Variants in PROS1 observed in about 807,000 individuals in gnomAD.
PROS1 encodes the protein protein S.
PROS1 carries 29 observed loss-of-function variants against 75.9 expected under a neutral mutation model. That is an observed-to-expected ratio of 0.38 (90% CI 0.28 to 0.52). The LOEUF (loss-of-function observed/expected upper bound fraction) is 0.52. Among genes scored for constraint, PROS1 ranks in the 20% least tolerant of loss-of-function variants. The probability of loss-of-function intolerance (pLI) is 0.83; values close to 1 mark genes in which losing one functional copy is unlikely to be tolerated. For synonymous variants in PROS1, 245 were observed against 280.6 expected (o/e 0.87, Z 1.27); for missense variants, 680 against 810.3 (o/e 0.84, Z 1.95).
intron 14 of PROS1, 70 bp downstream of exon 14, chr3:93,876,896 T>C (rs1476612727): frequency 2.9e-5 from 30 of 1,026,540 alleles, no homozygotes; most frequent in Non-Finnish European, 4.3e-5. Context: ...TTACTATAAT[T>C]ATATATTTAA....
At chr3:93,903,471 C>A (rs1201126974) in intron 6 of PROS1, among the ~76,000 whole-genome samples, 1 of 152,056 alleles carries the variant, frequency 6.6e-6, no homozygotes, top group African/African-American at 2.4e-5. Flanking sequence ...TGAGACCAGC[C>A]TGGACAGTAT....
chr3:93,960,465 C>T (rs572118786), intron 1 of PROS1, among the ~76,000 whole-genome samples: 3 of 150,534 alleles, frequency 2.0e-5, no homozygotes, highest in Admixed American at 1.3e-4. Flanking sequence ...CGTGAGCCAC[C>T]GCGTCTGGCT....
chr3:93,926,039 A>G (rs1477019343), intron 2 of PROS1, among the ~76,000 whole-genome samples: 3 of 152,032 alleles, frequency 2.0e-5, no homozygotes, highest in African/African-American at 7.2e-5. Flanking sequence ...AAGCTGATAG[A>G]ATGTATCCAT....
chr3:93,900,552 C>CTTGTTTTT (rs1708576853), intron 7 of PROS1, among the ~76,000 whole-genome samples: 2 of 152,142 alleles, frequency 1.3e-5, no homozygotes, highest in Admixed American at 6.6e-5. Context: ...GTTTTTACCA[C>CTTGTTTTT]ACATGGAGGT....
In PROS1 at chr3:93,973,626, CA is replaced by C. The variant is rs1330864976; in HGVS notation, c.76+47del. 1.9e-6 allele frequency: 3 copies of C among 1,587,500 alleles called. No homozygotes were observed. In the Admixed American group the frequency reaches 5.1e-5, roughly 27 times the overall value. On this transcript the variant is annotated intron_variant, in intron 1 of 14. Coordinates refer to ENST00000394236, the MANE Select transcript of PROS1 (RefSeq NM_000313.4). ...ATCCTACCAACCAGGGCACGCAGTT[CA>C]GTCGACAATGCTGGGGAAGGGAGAA...
intron 1 of PROS1, among the ~76,000 whole-genome samples, chr3:93,969,499 C>G (rs191544136): frequency 6.6e-6 from 1 of 152,284 alleles, no homozygotes; most frequent in African/African-American, 2.4e-5. Flanking sequence ...AGTGAGCTGT[C>G]GATCACAGGA....
At chr3:93,893,657 C>A (rs1708463016) in intron 9 of PROS1, among the ~76,000 whole-genome samples, 1 of 152,166 alleles carries the variant, frequency 6.6e-6, no homozygotes, top group African/African-American at 2.4e-5. Context: ...TGTCAGGAAT[C>A]ACTCGTGGAG....
chr3:93,915,186 G>T (rs1280210003), intron 3 of PROS1, among the ~76,000 whole-genome samples: 2 of 152,158 alleles, frequency 1.3e-5, no homozygotes, highest in East Asian at 1.9e-4. Flanking sequence ...AGCCACAAAG[G>T]CTGGGCACGG....
intron 3 of PROS1, among the ~76,000 whole-genome samples, chr3:93,923,323 G>C (rs1249661992): frequency 2.0e-5 from 3 of 152,072 alleles, no homozygotes; most frequent in Non-Finnish European, 4.4e-5. Flanking sequence ...CTGATCAAAG[G>C]AATGTATCCT....
intron 6 of PROS1, among the ~76,000 whole-genome samples, chr3:93,904,499 A>G (rs1450819616): frequency 6.6e-6 from 1 of 152,234 alleles, no homozygotes; most frequent in African/African-American, 2.4e-5. Context: ...ATCATACTAA[A>G]CACTGCTATT....
intron 10 of PROS1, among the ~76,000 whole-genome samples, chr3:93,891,607 G>C (rs575811044): frequency 6.6e-6 from 1 of 151,900 alleles, no homozygotes; most frequent in Non-Finnish European, 1.5e-5. Context: ...ATGGGGTTTC[G>C]CCATGTTGGT....
intron 14 of PROS1, among the ~76,000 whole-genome samples, chr3:93,874,933 T>A (rs1278604355): frequency 1.3e-5 from 2 of 152,166 alleles, no homozygotes; most frequent in Non-Finnish European, 2.9e-5. Flanking sequence ...TTCACTTTCA[T>A]GTACTATTTA....
intron 1 of PROS1, among the ~76,000 whole-genome samples, chr3:93,943,716 A>G (rs1156676329): frequency 1.3e-5 from 2 of 152,208 alleles, no homozygotes; most frequent in Non-Finnish European, 1.5e-5. Context: ...AAGCCATCAT[A>G]TCCCCTGTGA....
chr3:93,931,879 T>A (rs1262803372), intron 1 of PROS1, among the ~76,000 whole-genome samples: 1 of 152,240 alleles, frequency 6.6e-6, no homozygotes, highest in Non-Finnish European at 1.5e-5. Context: ...TTAATTTTTG[T>A]AAAAGAAATT....
At chr3:93,907,014 C>T (rs1376534091) in intron 4 of PROS1, among the ~76,000 whole-genome samples, 1 of 152,166 alleles carries the variant, frequency 6.6e-6, no homozygotes, top group Non-Finnish European at 1.5e-5. Flanking sequence ...AGCCTGGGTG[C>T]CATGAACAGT....
At chr3:93,911,244 C>A (rs1280833835) in intron 3 of PROS1, 2 of 153,772 alleles carry the variant, frequency 1.3e-5, no homozygotes, top group Non-Finnish European at 2.9e-5. Flanking sequence ...TCACTACAAC[C>A]CTGTGAAATC....
At position 93,959,865 on chromosome 3, in the gene PROS1, G is replaced by A. The variant is rs182509041; in HGVS notation, c.76+13809C>T. On this transcript the variant is annotated intron_variant, in intron 1 of 14. Transcript: ENST00000394236. ...ATATCAGCTGTTACCATATTTTTTC[G>A]TTCTGCTACATTAATAGCCAACTCA... Among the ~76,000 whole-genome samples the A allele has an allele frequency of 1.4e-4, 21 of 152,136 alleles. No homozygotes were observed. The East Asian group carries it at 2.9e-3, about 21-fold the overall frequency.
Position 93,873,592 on chromosome 3 carries a change from C to A in PROS1, c.*653G>T, listed in dbSNP as rs1708139775. On this transcript the variant is annotated 3_prime_UTR_variant, in exon 15 of 15. Transcript: ENST00000394236. ...ATCCAACCTAATCTGATATCTCATCCTGACAGACTGCAGCTGCCAAGAAGA... is the reference window on the plus strand; with the variant it reads ...ATCCAACCTAATCTGATATCTCATCATGACAGACTGCAGCTGCCAAGAAGA... The A allele has an allele frequency of 1.3e-5, 2 of 152,460 alleles. No homozygotes were observed. The highest frequency in any genetic ancestry group is 2.9e-5 in the Non-Finnish European group (2 of 68,264). 9.4% of individuals were successfully genotyped at this position (152,460 alleles called of 1,614,324 possible).
chr3:93,931,770 C>G (rs1002192000), intron 1 of PROS1, among the ~76,000 whole-genome samples: 1 of 152,152 alleles, frequency 6.6e-6, no homozygotes, highest in Non-Finnish European at 1.5e-5. Flanking sequence ...AAAGAACACT[C>G]GGTCAAAGAG....
Sources: gnomAD v4.1 joint callset for allele counts (sites outside exome capture counted in the v4.1 genomes callset) on GRCh38, gnomAD v4.1.1 for gene constraint, MANE v1.5 for transcripts, NCBI Gene and HGNC (gene_info 2026-07-23, HGNC 2026-07-21) for gene names.